The following TYRO3 variants were observed in gnomAD, a reference collection of about 807,000 sequenced individuals.
TYRO3 encodes the protein TYRO3 protein tyrosine kinase.
TYRO3 carries 38 observed loss-of-function variants against 95.2 expected under a neutral mutation model. The ratio of observed to expected loss-of-function variants is 0.40; its 90% CI spans 0.31 to 0.52. TYRO3 has a LOEUF of 0.52. TYRO3 is among the 20% of genes least tolerant of loss of function. The pLI is 0.56. For missense variants in TYRO3, 812 were observed against 1,116.4 expected (o/e 0.73, Z 3.89); for synonymous variants, 367 against 432.9 (o/e 0.85, Z 1.89).
chr15:41,561,062 A>C, intron 1 of TYRO3, 65 bp from the exon 2 acceptor site: 1 of 1,431,068 alleles, frequency 7.0e-7, no homozygotes, highest in Non-Finnish European at 9.5e-7. Flanking sequence ...CTAGAAGAGA[A>C]TGGGAACTGT....
intron 3 of TYRO3, 24 bp from the exon 4 acceptor site, chr15:41,562,524 C>G: frequency 1.3e-6 from 2 of 1,504,258 alleles, no homozygotes; most frequent in Non-Finnish European, 1.8e-6. Flanking sequence ...GCAGGGCTCA[C>G]TCCTCACTCC....
chr15:41,571,749 G>T, intron 14 of TYRO3, 62 bp downstream of exon 14: 1 of 796,046 alleles, frequency 1.3e-6, no homozygotes, highest in South Asian at 1.5e-5. Flanking sequence ...CTACCAATAT[G>T]AGATGGCAGC....
intron 6 of TYRO3, among the ~76,000 whole-genome samples, chr15:41,566,491 C>T (rs1476392625): frequency 2.0e-5 from 3 of 152,196 alleles, no homozygotes; most frequent in African/African-American, 7.2e-5. Context: ...ATCTCTTGCC[C>T]TAATGGTTCT....
chr15:41,571,524 C>T (rs2055795201), intron 13 of TYRO3, 71 bp from the exon 14 acceptor site: 1 of 1,072,498 alleles, frequency 9.3e-7, no homozygotes, highest in Non-Finnish European at 1.5e-6. Context: ...AAGGACAAGA[C>T]CTAGGAGGCC....
rs760793380 is a variant in TYRO3, at chr15:41,562,576, A to G, written c.438A>G (p.Lys146=). 1 of 1,613,022 alleles carries G rather than the reference A, an allele frequency of 6.2e-7. No homozygotes were observed. The highest frequency in any genetic ancestry group is 8.5e-7 in the Non-Finnish European group (1 of 1,180,034). The part of the protein sequence containing the change: ...EGVPFFTVEP[K]DLAVPPNAPF... ...TGCCATTTTTCACAGTGGAGCCAAA[A>G]GATCTGGCAGTGCCACCCAATGCCC... Residue 146 remains lysine (K), a synonymous_variant, in exon 4 of 19, where the codon AAA becomes AAG. Coordinates refer to ENST00000263798, the MANE Select transcript of TYRO3 (RefSeq NM_006293.4).
chr15:41,571,232 A>G, intron 13 of TYRO3, 114 bp downstream of exon 13: 1 of 946,568 alleles, frequency 1.1e-6, no homozygotes, highest in East Asian at 2.4e-5. Flanking sequence ...GCTGGGCAGC[A>G]CTAACTGGGA....
In TYRO3 at chr15:41,583,010, T is replaced by TTTTTTTTTTTC. The variant is rs2055938391; in HGVS notation, c.*4736_*4737insTTTTTTTTCTT. The TTTTTTTTTTTC allele has an allele frequency of 6.9e-6, 1 of 143,900 alleles. No homozygotes were observed. Among genetic ancestry groups the TTTTTTTTTTTC allele is most frequent in the Non-Finnish European group, 1.5e-5 (1 of 65,710 alleles). The allele number at this position is 143,900 out of a possible 1,614,324, so 8.9% of individuals were successfully genotyped here. A position where few individuals can be genotyped will look rare whatever the true frequency, so the allele number is the denominator to read the frequency against. The stretch of plus-strand genomic sequence containing the variant: ...AAATTTTTAAGTGTTTTTTTTTTTT[T>TTTTTTTTTTTC]TTAATACAGAGCCTTGCTCTGTCGC... On this transcript the variant is annotated 3_prime_UTR_variant, in exon 19 of 19. Coordinates refer to ENST00000263798, the MANE Select transcript of TYRO3 (RefSeq NM_006293.4).
intron 6 of TYRO3, among the ~76,000 whole-genome samples, chr15:41,565,477 C>G (rs1257411762): frequency 6.6e-6 from 1 of 151,514 alleles, no homozygotes; most frequent in South Asian, 2.1e-4. Context: ...GGTGCCATCT[C>G]GGCTCACTGC....
In TYRO3 at chr15:41,565,153, G is replaced by A. The variant is rs1405555043; in HGVS notation, c.783+12G>A. On this transcript the variant is annotated intron_variant, in intron 6 of 18. Transcript: ENST00000263798. ...CCTGTACAGTTCAGGTAGGCTCTCC[G>A]GGCCGGGCCATGCTCGTTCTGGCTG... The A allele has an allele frequency of 7.0e-6, 10 of 1,435,128 alleles. No individual in the cohort carries two copies. The highest frequency in any genetic ancestry group is 5.5e-5 in the African/African-American group (4 of 72,942). The allele number at this position is 1,435,128 out of a possible 1,614,324, so 88.9% of individuals were successfully genotyped here.
At chr15:41,559,497 A>T in intron 1 of TYRO3, 116 bp downstream of exon 1, 1 of 220,444 alleles carries the variant, frequency 4.5e-6, no homozygotes, top group Non-Finnish European at 8.7e-6. Context: ...CCGGAGCCGA[A>T]GGCCGAGGCT....
chr15:41,572,815 A>C (rs2055814091), intron 15 of TYRO3, among the ~76,000 whole-genome samples, 187 bp from the exon 16 acceptor site: 1 of 151,602 alleles, frequency 6.6e-6, no homozygotes, highest in South Asian at 2.1e-4. Context: ...AGGGTGGGGG[A>C]GTCTCGTCTT....
intron 18 of TYRO3, among the ~76,000 whole-genome samples, chr15:41,575,884 CTCCT>C (rs2055853771): frequency 6.6e-6 from 1 of 152,032 alleles, no homozygotes; most frequent in Admixed American, 6.6e-5. Context: ...GGAGGCGGAT[CTCCT>C]GAGGTCGGGA....
At chr15:41,568,650 T>A (rs1401072307) in intron 8 of TYRO3, among the ~76,000 whole-genome samples, 1 of 151,962 alleles carries the variant, frequency 6.6e-6, no homozygotes, top group Non-Finnish European at 1.5e-5. Context: ...TTCGCTCCCA[T>A]CCCCCACCTG....
rs747010087 is a variant in TYRO3, at chr15:41,562,732, G to A, written c.580+14G>A. 24 of 1,567,102 alleles carry A rather than the reference G, an allele frequency of 1.5e-5. No homozygotes were observed. The highest frequency in any genetic ancestry group is 2.7e-5 in the African/African-American group (2 of 74,286). On this transcript the variant is annotated intron_variant, in intron 4 of 18. Coordinates refer to ENST00000263798, the MANE Select transcript of TYRO3 (RefSeq NM_006293.4). ...TAAATGTAACAGGTGAGCAGCCTCA[G>A]AAGGGGGCTGGGAGTGGAGAAGGAG...
chr15:41,580,749 G>C lies in TYRO3; in HGVS notation c.*2473G>C, dbSNP rs1391384313. On this transcript the variant is annotated 3_prime_UTR_variant, in exon 19 of 19. Coordinates refer to ENST00000263798, the MANE Select transcript of TYRO3 (RefSeq NM_006293.4). ...AGGTTTAATCAAGTCTCTTGTCTTGGCTTCCCGAGTAGTTGGGACTACAGG... is the reference window on the plus strand; with the variant it reads ...AGGTTTAATCAAGTCTCTTGTCTTGCCTTCCCGAGTAGTTGGGACTACAGG... 6.6e-6 allele frequency: 1 copy of C among 151,956 alleles called. No individual in the cohort carries two copies. Among genetic ancestry groups the C allele is most frequent in the Non-Finnish European group, 1.5e-5 (1 of 67,994 alleles). 9.4% of individuals were successfully genotyped at this position (151,956 alleles called of 1,614,324 possible).
At position 41,561,792 on chromosome 15, in the gene TYRO3, G is replaced by A. The variant is rs185868022; in HGVS notation, c.409+153G>A. 254 of 552,636 alleles carry A rather than the reference G, an allele frequency of 4.6e-4. 2 individuals carry two copies. In the East Asian group the frequency reaches 7.8e-3, roughly 17 times the overall value. 34.2% of individuals were successfully genotyped at this position (552,636 alleles called of 1,614,324 possible). ...AGGCTGTAGGCCCACTCCAGATGTC[G>A]GAAGACCCTACCAGTTGGAGTTGGG... is the stretch of plus-strand genomic sequence containing the variant. On this transcript the variant is annotated intron_variant, in intron 3 of 18. Transcript: ENST00000263798.
chr15:41,574,804 C>T lies in TYRO3; in HGVS notation c.2282+989C>T, dbSNP rs779051943. The T allele has an allele frequency of 6.6e-6, 3 of 451,286 alleles. No homozygotes were observed. In the Admixed American group the frequency reaches 7.1e-5, roughly 11 times the overall value. 28.0% of individuals were successfully genotyped at this position (451,286 alleles called of 1,614,324 possible). A position where few individuals can be genotyped will look rare whatever the true frequency, so the allele number is the denominator to read the frequency against. On this transcript the variant is annotated intron_variant, in intron 18 of 18. Coordinates refer to ENST00000263798, the MANE Select transcript of TYRO3 (RefSeq NM_006293.4). ...GCGTGATCTCTGCTTACTGCAGCCT[C>T]AACCTCCTGGGCTCAAGTGATCCTC...
Position 41,569,734 on chromosome 15 carries a change from T to C in TYRO3, c.1253-293T>C, listed in dbSNP as rs373650276. On this transcript the variant is annotated intron_variant, in intron 9 of 18. Transcript: ENST00000263798. Reference sequence around the variant, plus strand: ...GTGAGCTGCAACTGTGCCCCTGCACTCTGGCCTGGGCAACAGAACAAGACT... The same window carrying C: ...GTGAGCTGCAACTGTGCCCCTGCACCCTGGCCTGGGCAACAGAACAAGACT... 5.3e-5 allele frequency among the ~76,000 whole-genome samples: 8 copies of C among 152,342 alleles called. No homozygotes were observed. The South Asian group carries it at 1.7e-3, about 32-fold the overall frequency.
At position 41,561,235 on chromosome 15, in the gene TYRO3, AGG is replaced by A; in HGVS notation, c.234_235del (p.Asp79TrpfsTer32). ...GAGGAGCCTGACATCCAGTGGGTGA[AGG>A]ATGGGGCTGTGGTCCAGAACTTGGA... On this transcript the variant is annotated frameshift_variant, in exon 2 of 19. Coordinates refer to ENST00000263798, the MANE Select transcript of TYRO3 (RefSeq NM_006293.4). LOFTEE classifies it high-confidence loss of function. 1 of 1,614,202 alleles carries A rather than the reference AGG, an allele frequency of 6.2e-7. No homozygotes were observed. The highest frequency in any genetic ancestry group is 8.5e-7 in the Non-Finnish European group (1 of 1,180,032).
Sources: allele counts gnomAD v4.1 joint callset (sites outside exome capture counted in the v4.1 genomes callset), GRCh38; gene constraint gnomAD v4.1.1; transcripts MANE v1.5; gene names NCBI Gene and HGNC (gene_info 2026-07-23, HGNC 2026-07-21).